FARP2: variants seen among roughly 807,000 people sequenced by gnomAD.
FARP2 encodes the protein FERM, ARH/RhoGEF and pleckstrin domain protein 2.
A neutral mutation model predicts 130.5 loss-of-function variants in FARP2; 111 were observed. That is an observed-to-expected ratio of 0.85 (90% CI 0.73 to 1.00). The LOEUF is 1.00. Among genes scored for constraint, FARP2 ranks in the 50% least tolerant of loss-of-function variants. FARP2 has a pLI of 0.00. For missense variants in FARP2, 1,385 were observed against 1,346.3 expected (o/e 1.03, Z -0.45); for synonymous variants, 504 against 516.9 (o/e 0.98, Z 0.34).
At position 241,434,152 on chromosome 2, in the gene FARP2, T is replaced by G. The variant is rs754500415; in HGVS notation, c.868-6T>G. On this transcript the variant is annotated splice_polypyrimidine_tract_variant and splice_region_variant and intron_variant, in intron 9 of 26. Coordinates refer to ENST00000264042, the MANE Select transcript of FARP2 (RefSeq NM_014808.4). Reference sequence around the variant, plus strand: ...GAATTAATTAACCTTTGTGTTTTGTTTCTAGGGACCTTACCAGGACACATT... The same window carrying G: ...GAATTAATTAACCTTTGTGTTTTGTGTCTAGGGACCTTACCAGGACACATT... The G allele has an allele frequency of 1.9e-6, 3 of 1,591,192 alleles. No homozygotes were observed. The South Asian group carries it at 3.4e-5, about 18-fold the overall frequency.
At chr2:241,401,720 G>T (rs1230081866) in intron 2 of FARP2, among the ~76,000 whole-genome samples, 1 of 151,932 alleles carries the variant, frequency 6.6e-6, no homozygotes, top group Non-Finnish European at 1.5e-5. Flanking sequence ...ACACAATAGA[G>T]AGTTCTGTGT....
chr2:241,403,901 G>C lies in FARP2; in HGVS notation c.257G>C (p.Gly86Ala). Residue 86 changes from glycine (G) to alanine (A), a missense_variant, in exon 3 of 27, where the codon GGG (glycine) becomes GCG (alanine). Gly to Ala is a moderately conservative substitution (Grantham distance 60). Coordinates refer to ENST00000264042, the MANE Select transcript of FARP2 (RefSeq NM_014808.4). ...RLNLVECDYF[G>A]MEFQNTQSYW... The stretch of plus-strand genomic sequence containing the variant: ...AACCTGGTAGAATGTGACTACTTCG[G>C]GATGGAGTTTCAAAATACTCAGTCC... 6.2e-7 allele frequency: 1 copy of C among 1,613,292 alleles called. No homozygotes were observed. Among genetic ancestry groups the C allele is most frequent in the Non-Finnish European group, 8.5e-7 (1 of 1,179,222 alleles).
chr2:241,463,270 A>G (rs978250175), intron 15 of FARP2, 65 bp from the exon 16 acceptor site: 6 of 1,569,400 alleles, frequency 3.8e-6, no homozygotes, highest in Non-Finnish European at 5.2e-6. Context: ...ACAGGCCCTC[A>G]GGGGCACAGT....
At position 241,491,532 on chromosome 2, in the gene FARP2, A is replaced by ATCTC; in HGVS notation, c.2642_2645dup (p.Glu883SerfsTer8). The ATCTC allele has an allele frequency of 6.2e-7, 1 of 1,613,532 alleles. No homozygotes were observed. ...TCTCCCCAGGATCCCCCAACGAGGTATCTCTGGAGCAGGAGTCAGAAGATG... is the reference window on the plus strand; with the variant it reads ...TCTCCCCAGGATCCCCCAACGAGGTATCTCTCTCTGGAGCAGGAGTCAGAAGATG... On this transcript the variant is annotated frameshift_variant, in exon 24 of 27. Coordinates refer to ENST00000264042, the MANE Select transcript of FARP2 (RefSeq NM_014808.4). LOFTEE classifies it high-confidence loss of function.
intron 8 of FARP2, among the ~76,000 whole-genome samples, chr2:241,427,740 T>A (rs575865582): frequency 4.5e-4 from 69 of 152,230 alleles, no homozygotes; most frequent in Middle Eastern, 3.4e-3. Flanking sequence ...GAGGGCTTCA[T>A]CTCTTACCTC....
chr2:241,478,783 G>T (rs2064540631), intron 19 of FARP2: 2 of 414,048 alleles, frequency 4.8e-6, no homozygotes, highest in Non-Finnish European at 9.6e-6. Flanking sequence ...AGTGTCAGGA[G>T]GAGGAACTCA....
At chr2:241,440,611 A>G (rs1181391548) in intron 12 of FARP2, among the ~76,000 whole-genome samples, 1 of 152,084 alleles carries the variant, frequency 6.6e-6, no homozygotes, top group East Asian at 1.9e-4. Flanking sequence ...CTTCCCTTAC[A>G]TGTATGAGTG....
intron 13 of FARP2, among the ~76,000 whole-genome samples, chr2:241,450,374 C>G (rs1289941611): frequency 6.6e-6 from 1 of 151,062 alleles, no homozygotes; most frequent in African/African-American, 2.4e-5. Flanking sequence ...ACCAAAAAAA[C>G]AAAACAAAAA....
Position 241,463,431 on chromosome 2 carries a change from G to C in FARP2, c.1774G>C (p.Gly592Arg), listed in dbSNP as rs778049642. ...NIDPIYEFHRGFLREVEQRLA... is the reference protein window; with the variant it reads ...NIDPIYEFHRRFLREVEQRLA... ...CGATCCCATCTATGAGTTCCACAGA[G>C]GCTTCCTGCGCGAGGTGGAGCAGAG... The change falls in exon 16 of 27, where the codon GGC (glycine) becomes CGC (arginine). Residue 592 changes from glycine to arginine, a missense_variant. By Grantham distance (125) the Gly-to-Arg change is moderately radical (BLOSUM62 -2). Coordinates refer to ENST00000264042, the MANE Select transcript of FARP2 (RefSeq NM_014808.4). 1 of 1,614,042 alleles carries C rather than the reference G, an allele frequency of 6.2e-7. No individual in the cohort carries two copies. Among genetic ancestry groups the C allele is most frequent in the Non-Finnish European group, 8.5e-7 (1 of 1,180,024 alleles).
At chr2:241,476,302 G>C (rs1036739249) in intron 19 of FARP2, among the ~76,000 whole-genome samples, 6 of 151,724 alleles carry the variant, frequency 4.0e-5, no homozygotes, top group Admixed American at 1.3e-4. Context: ...TGGGAGGATC[G>C]CTTGAGCCAA....
chr2:241,373,528 C>T (rs1168140932), intron 2 of FARP2, among the ~76,000 whole-genome samples: 3 of 152,166 alleles, frequency 2.0e-5, no homozygotes, highest in African/African-American at 4.8e-5. Flanking sequence ...CATCTTCTTT[C>T]GTGAGAGGCT....
At chr2:241,404,133 A>G (rs1559736597) in intron 3 of FARP2, among the ~76,000 whole-genome samples, 1 of 152,240 alleles carries the variant, frequency 6.6e-6, no homozygotes, top group African/African-American at 2.4e-5. Context: ...TTGTTAGCAC[A>G]TGTGCTGAGG....
chr2:241,490,086 G>A, intron 22 of FARP2, 42 bp downstream of exon 22: 1 of 1,415,776 alleles, frequency 7.1e-7, no homozygotes, highest in Non-Finnish European at 1.0e-6. Flanking sequence ...GCCCTGGATG[G>A]AGGGGTGGGG....
intron 13 of FARP2, chr2:241,442,450 AG>A: frequency 2.2e-6 from 1 of 456,664 alleles, no homozygotes; most frequent in South Asian, 1.5e-5. Flanking sequence ...TGCACACACA[AG>A]TGGAGAAAGA....
In FARP2 at chr2:241,403,991, C is replaced by T. The variant is rs1410110108; in HGVS notation, c.288+59C>T. 9.5e-6 allele frequency: 8 copies of T among 840,934 alleles called. No individual in the cohort carries two copies. In the Middle Eastern group the frequency reaches 6.7e-4, roughly 71 times the overall value. The allele number at this position is 840,934 out of a possible 1,614,324, so 52.1% of individuals were successfully genotyped here. On this transcript the variant is annotated intron_variant, in intron 3 of 26. Transcript: ENST00000264042. The stretch of plus-strand genomic sequence containing the variant: ...TTTGGGCCTGCTGTGATGACAGCCG[C>T]AAGATCTTTCATCATTGCCACATCA...
chr2:241,427,921 C>A lies in FARP2; in HGVS notation c.772-3758C>A, dbSNP rs543517586. Among the ~76,000 whole-genome samples, 25 of 152,138 alleles carry A rather than the reference C, an allele frequency of 1.6e-4. No individual in the cohort carries two copies. The East Asian group carries it at 4.6e-3, about 28-fold the overall frequency. Reference sequence around the variant, plus strand: ...GCTGGGACTTAGAGGCGCCTGCCACCACGTCTGGCTAATTTTTTGTATTTT... The same window carrying A: ...GCTGGGACTTAGAGGCGCCTGCCACAACGTCTGGCTAATTTTTTGTATTTT... On this transcript the variant is annotated intron_variant, in intron 8 of 26. Coordinates refer to ENST00000264042, the MANE Select transcript of FARP2 (RefSeq NM_014808.4).
At chr2:241,438,919 G>A (rs1052581139) in intron 12 of FARP2, among the ~76,000 whole-genome samples, 2 of 151,386 alleles carry the variant, frequency 1.3e-5, no homozygotes, top group African/African-American at 4.9e-5. Context: ...GTGAGCCACC[G>A]CGCCCGGCCA....
intron 2 of FARP2, among the ~76,000 whole-genome samples, chr2:241,380,519 T>A (rs1348371319): frequency 6.6e-6 from 1 of 152,062 alleles, no homozygotes; most frequent in African/African-American, 2.4e-5. Context: ...GAGTTTCAGA[T>A]TTTTTTCAGA....
intron 2 of FARP2, among the ~76,000 whole-genome samples, chr2:241,373,902 A>C (rs2061478290): frequency 6.6e-6 from 1 of 152,238 alleles, no homozygotes; most frequent in African/African-American, 2.4e-5. Flanking sequence ...GAATATATGC[A>C]TATATCAATA....
Sources: allele counts gnomAD v4.1 joint callset (sites outside exome capture counted in the v4.1 genomes callset), GRCh38; gene constraint gnomAD v4.1.1; transcripts MANE v1.5; gene names NCBI Gene and HGNC (gene_info 2026-07-23, HGNC 2026-07-21).